The following PKD1L3 variants were observed in gnomAD, a reference collection of about 807,000 sequenced individuals.
PKD1L3 encodes polycystin 1 like 3, transient receptor potential channel interacting, also known as polycystin-1-like protein 3.
A neutral mutation model predicts 184.1 loss-of-function variants in PKD1L3; 239 were observed. That is an observed-to-expected ratio of 1.30 (90% CI 1.17 to 1.45). The LOEUF is 1.45. Among genes scored for constraint, PKD1L3 ranks in the 40% most tolerant of loss-of-function variants. The pLI is 0.00. For missense variants in PKD1L3, 2,660 were observed against 2,067.2 expected (o/e 1.29, Z -5.56); for synonymous variants, 996 against 778.8 (o/e 1.28, Z -4.64).
At chr16:71,957,591 A>T (rs1457550262) in intron 16 of PKD1L3, among the ~76,000 whole-genome samples, 2 of 152,076 alleles carry the variant, frequency 1.3e-5, no homozygotes, top group Non-Finnish European at 2.9e-5. Context: ...TGAGGTCAGG[A>T]GTTCGAGACC....
At chr16:71,947,613 C>T in intron 21 of PKD1L3, 22 bp from the exon 22 acceptor site, 2 of 1,445,056 alleles carry the variant, frequency 1.4e-6, no homozygotes, top group South Asian at 1.2e-5. Flanking sequence ...AATCACAGAA[C>T]ATCGTGAGCA....
At chr16:71,956,184 A>ATTTTTTTTTTTTTTTTTT (rs35268514) in intron 16 of PKD1L3, among the ~76,000 whole-genome samples, 4 of 82,766 alleles carry the variant, frequency 4.8e-5, no homozygotes, top group African/African-American at 1.6e-4. Context: ...AAAGGAAGGA[A>ATTTTTTTTTTTTTTTTTT]TTTTTTTTTT....
intron 29 of PKD1L3, 85 bp from the exon 30 acceptor site, chr16:71,929,763 AAAAATTAGTAAATGT>A: frequency 2.4e-6 from 3 of 1,256,596 alleles, no homozygotes; most frequent in Non-Finnish European, 3.3e-6. Context: ...AAGATTTTTA[AAAAATTAGTAAATGT>A]AAAGATACTA....
rs34849069 is a variant in PKD1L3, at chr16:71,952,195, A to ATTTTTT, written c.3010-457_3010-452dup. 2.6e-4 allele frequency among the ~76,000 whole-genome samples: 13 copies of ATTTTTT among 50,822 alleles called. 1 individual carries two copies. The highest frequency in any genetic ancestry group is 2.2e-3 in the East Asian group (3 of 1,348). The allele number at this position is 50,822 out of a possible 152,430, so 33.3% of individuals were successfully genotyped here. On this transcript the variant is annotated intron_variant, in intron 18 of 29. Transcript: ENST00000620267. Reference sequence around the variant, plus strand: ...ACTGCGTGGGGAAAGGGAGCATGTCATTTTTTTTTTTTTTTTTTTTTTTTT... The same window carrying ATTTTTT: ...ACTGCGTGGGGAAAGGGAGCATGTCATTTTTTTTTTTTTTTTTTTTTTTTTTTTTTT...
chr16:71,937,624 CA>C (rs1273541990), intron 24 of PKD1L3, among the ~76,000 whole-genome samples: 1 of 152,100 alleles, frequency 6.6e-6, no homozygotes, highest in Non-Finnish European at 1.5e-5. Context: ...ACTGGTTTTA[CA>C]AAAGTCAGTA....
rs1018642442 is a variant in PKD1L3, at chr16:71,942,951, G to C, written c.3933C>G (p.His1311Gln). ...GCGAAAATGTCTTCCAGATAGCTTG[G>C]TGGAGGTAAAATCTATTGGAGTTCT... ...SAKNSNRFYL[H>Q]QAIWKTFSHQ... The change falls in exon 24 of 30, where the codon CAC (histidine) becomes CAG (glutamine). Residue 1311 changes from histidine to glutamine, a missense_variant. Transcript: ENST00000620267. The C allele has an allele frequency of 1.9e-6, 3 of 1,551,624 alleles. No individual in the cohort carries two copies. The Admixed American group carries it at 5.9e-5, about 30-fold the overall frequency.
rs2039971511 is a variant in PKD1L3, at chr16:71,977,425, T to C, written c.1570A>G (p.Ser524Gly). ...RNVSLETHPT[S>G]LNMSTHQLTI... ...AGCTGATGTGTGCTCATGTTGAGGC[T>C]GGTGGGATGGGTTTCCAAGCTAACA... The change falls in exon 11 of 30, where the codon AGC becomes GGC. Residue 524 changes from serine (S) to glycine (G), a missense_variant. Coordinates refer to ENST00000620267, the MANE Select transcript of PKD1L3 (RefSeq NM_181536.2). 3.9e-6 allele frequency: 6 copies of C among 1,551,498 alleles called. No individual in the cohort carries two copies. The Admixed American group carries it at 1.2e-4, about 30-fold the overall frequency.
intron 3 of PKD1L3, among the ~76,000 whole-genome samples, chr16:71,992,267 T>C (rs936939459): frequency 6.6e-6 from 1 of 152,350 alleles, no homozygotes; most frequent in African/African-American, 2.4e-5. Context: ...TCTACATTTT[T>C]CCCAATGAGG....
intron 23 of PKD1L3, among the ~76,000 whole-genome samples, chr16:71,943,618 C>G (rs1396099738): frequency 3.3e-5 from 5 of 151,146 alleles, no homozygotes; most frequent in African/African-American, 7.3e-5. Flanking sequence ...TGCACTCTGT[C>G]TCTCATGTGA....
At chr16:71,990,252 A>C in intron 4 of PKD1L3, 28 bp downstream of exon 4, 1 of 1,510,174 alleles carries the variant, frequency 6.6e-7, no homozygotes, top group Middle Eastern at 1.7e-4. Context: ...AACATTTCAC[A>C]ATGTATGTTG....
intron 26 of PKD1L3, among the ~76,000 whole-genome samples, chr16:71,935,095 A>T (rs567081320): frequency 6.6e-6 from 1 of 152,358 alleles, no homozygotes; most frequent in East Asian, 1.9e-4. Flanking sequence ...GACCAATTCC[A>T]GGCCCTTCTG....
intron 6 of PKD1L3, among the ~76,000 whole-genome samples, chr16:71,982,752 C>A (rs1597363133): frequency 6.6e-6 from 1 of 151,906 alleles, no homozygotes; most frequent in African/African-American, 2.4e-5. Context: ...GGTACCACCA[C>A]ACCTAATTTT....
chr16:71,974,570 G>C (rs987309288), intron 11 of PKD1L3, among the ~76,000 whole-genome samples: 1 of 152,216 alleles, frequency 6.6e-6, no homozygotes, highest in African/African-American at 2.4e-5. Flanking sequence ...TGCAGTCCCA[G>C]CTGCTTGGGA....
intron 27 of PKD1L3, 96 bp downstream of exon 27, chr16:71,933,819 C>G (rs187080428): frequency 1.5e-6 from 2 of 1,351,154 alleles, no homozygotes; most frequent in East Asian, 2.5e-5. Flanking sequence ...TACTGTACCA[C>G]CTCGGGTTTC....
Position 71,953,012 on chromosome 16 carries a change from A to G in PKD1L3, c.2891T>C (p.Ile964Thr), listed in dbSNP as rs1461853294. ...CTCAATCAACGGGAAGAGCCGCCCT[A>G]TGACAAGATTGATTGGGAAGAGGAT... ...AVILFPINLV[I>T]GRLFPLIEPQ... The change falls in exon 18 of 30, where the codon ATA becomes ACA. Residue 964 changes from isoleucine to threonine, a missense_variant. Ile to Thr is a moderately conservative substitution (Grantham distance 89, BLOSUM62 -1). Coordinates refer to ENST00000620267, the MANE Select transcript of PKD1L3 (RefSeq NM_181536.2). 2 of 1,549,142 alleles carry G rather than the reference A, an allele frequency of 1.3e-6. No individual in the cohort carries two copies. The highest frequency in any genetic ancestry group is 8.7e-7 in the Non-Finnish European group (1 of 1,146,012).
intron 9 of PKD1L3, 85 bp downstream of exon 9, chr16:71,979,701 T>A: frequency 7.0e-7 from 1 of 1,418,968 alleles, no homozygotes; most frequent in Non-Finnish European, 9.3e-7. Context: ...TCAGTTTACA[T>A]TTCATGATAC....
At position 71,954,294 on chromosome 16, in the gene PKD1L3, A is replaced by G; in HGVS notation, c.2620T>C (p.Phe874Leu). Reference protein sequence around the residue: ...KRELFSFRHLFSSMIVEKFTQ... With the variant: ...KRELFSFRHLLSSMIVEKFTQ... ...AACTTTTCCACAATCATGGAGGAAAACAGATGTCTGAAAAGAGAAATCAGA... is the reference window on the plus strand; with the variant it reads ...AACTTTTCCACAATCATGGAGGAAAGCAGATGTCTGAAAAGAGAAATCAGA... The change falls in exon 17 of 30, where the codon TTT becomes CTT. Residue 874 changes from phenylalanine (F) to leucine (L), a missense_variant. By Grantham distance (22) the Phe-to-Leu change is conservative. Coordinates refer to ENST00000620267, the MANE Select transcript of PKD1L3 (RefSeq NM_181536.2). 6.5e-7 allele frequency: 1 copy of G among 1,534,522 alleles called. No homozygotes were observed. The highest frequency in any genetic ancestry group is 2.5e-5 in the East Asian group (1 of 40,562).
Position 71,944,123 on chromosome 16 carries a change from CG to C in PKD1L3, c.3765del (p.Val1256SerfsTer3). 1.3e-6 allele frequency: 2 copies of C among 1,551,372 alleles called. No individual in the cohort carries two copies. Among genetic ancestry groups the C allele is most frequent in the East Asian group, 2.4e-5 (1 of 40,884 alleles). On this transcript the variant is annotated frameshift_variant, in exon 23 of 30. Transcript: ENST00000620267. LOFTEE classifies it high-confidence loss of function. ...SVPGSRDKNN[P>X]VYVAPAINSP... is the part of the protein sequence containing the mutation. ...CTATTTATAGCTGGGGCTACATAGA[CG>C]GGGTTGTTCTTATCTCTTGAACCTG...
At chr16:71,948,803 T>TAA (rs57129483) in intron 21 of PKD1L3, among the ~76,000 whole-genome samples, 1,660 of 81,180 alleles carry the variant, frequency 0.02, 118 homozygotes, top group African/African-American at 0.041. Flanking sequence ...TTACATATAG[T>TAA]AAAAAAAAAA....
Sources: gnomAD v4.1 joint callset for allele counts (sites outside exome capture counted in the v4.1 genomes callset) on GRCh38, gnomAD v4.1.1 for gene constraint, MANE v1.5 for transcripts, NCBI Gene and HGNC (gene_info 2026-07-23, HGNC 2026-07-21) for gene names.